Variants in POC5 observed in about 807,000 individuals in gnomAD.
POC5 encodes the protein centrosomal protein POC5.
Under a neutral mutation model 62.9 loss-of-function variants are expected in POC5, and 48 were observed. The ratio of observed to expected loss-of-function variants is 0.76; its 90% confidence interval spans 0.61 to 0.97. POC5 has a LOEUF of 0.97. POC5 is among the 50% of genes least tolerant of loss of function. The pLI is 0.00. For synonymous variants in POC5, 236 were observed against 228.2 expected (o/e 1.03, Z -0.31); for missense variants, 696 against 679.5 (o/e 1.02, Z -0.27).
At chr5:75,676,429 C>G (rs972597740) in intron 11 of POC5, among the ~76,000 whole-genome samples, 26 of 152,196 alleles carry the variant, frequency 1.7e-4, no homozygotes, top group Non-Finnish European at 1.5e-5. Context: ...ATGTCTCTAT[C>G]TGGACTTGGT....
At chr5:75,675,111 T>A (rs1260694432) in intron 11 of POC5, among the ~76,000 whole-genome samples, 1 of 152,196 alleles carries the variant, frequency 6.6e-6, no homozygotes, top group Non-Finnish European at 1.5e-5. Context: ...ACTAAAACTT[T>A]TATGCACATC....
chr5:75,694,662 T>C lies in POC5; in HGVS notation c.683A>G (p.Lys228Arg), dbSNP rs1221901259. ...QKTFEISIGR[K>R]DEVISSLSHA... The stretch of plus-strand genomic sequence containing the variant: ...AAATATAAAAAAGAAGACCTCATCT[T>C]TTCTCCCAATGGAGATTTCAAAGGT... The change falls in exon 6 of 12, where the codon AAA (lysine) becomes AGA (arginine). Residue 228 changes from lysine (K) to arginine (R), a missense_variant. Lys to Arg is a conservative substitution (Grantham distance 26, BLOSUM62 2). Transcript: ENST00000428202. 2.6e-6 allele frequency: 4 copies of C among 1,529,892 alleles called. No individual in the cohort carries two copies. The highest frequency in any genetic ancestry group is 3.5e-6 in the Non-Finnish European group (4 of 1,142,182). The allele number at this position is 1,529,892 out of a possible 1,614,324, so 94.8% of individuals were successfully genotyped here.
chr5:75,682,811 G>A (rs185101369), intron 10 of POC5, among the ~76,000 whole-genome samples: 6 of 152,220 alleles, frequency 3.9e-5, no homozygotes, highest in African/African-American at 4.8e-5. Context: ...CACTGTGCTC[G>A]GCCAATGTCT....
At chr5:75,698,895 A>G (rs992457262) in intron 5 of POC5, among the ~76,000 whole-genome samples, 2 of 152,008 alleles carry the variant, frequency 1.3e-5, no homozygotes, top group Non-Finnish European at 2.9e-5. Flanking sequence ...TATCACCACC[A>G]ATCCCACAGA....
At chr5:75,685,699 C>T (rs1776074816) in intron 9 of POC5, among the ~76,000 whole-genome samples, 1 of 152,196 alleles carries the variant, frequency 6.6e-6, no homozygotes, top group African/African-American at 2.4e-5. Flanking sequence ...CTTCCTTCCA[C>T]ATGTGAAAGC....
intron 2 of POC5, chr5:75,712,294 T>C: frequency 7.1e-7 from 1 of 1,404,226 alleles, no homozygotes; most frequent in South Asian, 1.2e-5. Context: ...TCTAAATCCA[T>C]ATTTTTGATG....
chr5:75,682,704 A>C (rs1276992269), intron 10 of POC5, among the ~76,000 whole-genome samples: 1 of 151,586 alleles, frequency 6.6e-6, no homozygotes, highest in Non-Finnish European at 1.5e-5. Context: ...TTTTGTAGAG[A>C]CAGGGTTTCA....
intron 10 of POC5, among the ~76,000 whole-genome samples, chr5:75,680,088 A>G (rs1775813910): frequency 6.6e-6 from 1 of 152,166 alleles, no homozygotes; most frequent in Non-Finnish European, 1.5e-5. Context: ...GCCTGAGGGA[A>G]ACTTTGTCCT....
chr5:75,700,470 A>C lies in POC5; in HGVS notation c.513+2135T>G, dbSNP rs868529197. On this transcript the variant is annotated intron_variant, in intron 5 of 11. Transcript: ENST00000428202. ...CCTGAGAAAAACAAGCAATGAGGAAAGGATTCCCTATTTAATAAATGGTGC... is the reference window on the plus strand; with the variant it reads ...CCTGAGAAAAACAAGCAATGAGGAACGGATTCCCTATTTAATAAATGGTGC... Among the ~76,000 whole-genome samples, 1,433 of 152,108 alleles carry C rather than the reference A, an allele frequency of 9.4e-3. 27 individuals are homozygous for C. The highest frequency in any genetic ancestry group is 0.033 in the African/African-American group (1,370 of 41,498).
intron 5 of POC5, among the ~76,000 whole-genome samples, chr5:75,701,686 A>G (rs1776890963): frequency 1.3e-5 from 2 of 151,572 alleles, no homozygotes; most frequent in African/African-American, 4.8e-5. Flanking sequence ...TAACCTGCAC[A>G]TTGTGTACAT....
chr5:75,698,354 T>G (rs1184686277), intron 5 of POC5, among the ~76,000 whole-genome samples: 1 of 151,216 alleles, frequency 6.6e-6, no homozygotes, highest in Non-Finnish European at 1.5e-5. Context: ...AGAACAGAAA[T>G]TATAACAAAC....
intron 2 of POC5, chr5:75,712,248 T>C (rs538863617): frequency 1.7e-6 from 2 of 1,181,052 alleles, no homozygotes; most frequent in East Asian, 2.5e-5. Flanking sequence ...AGATATACCA[T>C]GTCATTATTC....
At position 75,689,111 on chromosome 5, in the gene POC5, T is replaced by G. The variant is rs1307643669; in HGVS notation, c.1030A>C (p.Lys344Gln). The change falls in exon 9 of 12, where the codon AAA becomes CAA. Residue 344 changes from lysine to glutamine, a missense_variant. By Grantham distance (53) the Lys-to-Gln change is moderately conservative. Transcript: ENST00000428202. ...TTCATGGAATCTTCAAAGTGCTCTT[T>G]TTCATGTTGCATTCTTTGAATCTCA... ...KAEIQRMQHE[K>Q]EHFEDSMKKA... 3 of 1,590,878 alleles carry G rather than the reference T, an allele frequency of 1.9e-6. No individual in the cohort carries two copies. The highest frequency in any genetic ancestry group is 1.8e-5 in the Admixed American group (1 of 56,808).
At chr5:75,698,727 C>G (rs562085908) in intron 5 of POC5, among the ~76,000 whole-genome samples, 173 of 151,836 alleles carry the variant, frequency 1.1e-3, no homozygotes, top group African/African-American at 3.9e-3. Context: ...CAGAGCAGAA[C>G]TGAAGGAAAT....
chr5:75,688,950 C>T (rs1220770364), intron 9 of POC5, 62 bp downstream of exon 9: 16 of 1,434,740 alleles, frequency 1.1e-5, no homozygotes, highest in Non-Finnish European at 2.8e-6. Context: ...CCATACCAAT[C>T]ACCAAAATCT....
rs1395840007 is a variant in POC5, at chr5:75,674,286, T to C, written c.*149A>G. ...TTCTACATATAGTTACAAAGCATGGTAGAGCTTGAAAAAGCCTCTTGTAAT... is the reference window on the plus strand; with the variant it reads ...TTCTACATATAGTTACAAAGCATGGCAGAGCTTGAAAAAGCCTCTTGTAAT... On this transcript the variant is annotated 3_prime_UTR_variant, in exon 12 of 12. Transcript: ENST00000428202. 2.2e-5 allele frequency: 15 copies of C among 675,374 alleles called. No individual in the cohort carries two copies. The highest frequency in any genetic ancestry group is 3.3e-4 in the Middle Eastern group (1 of 3,000). The allele number at this position is 675,374 out of a possible 1,614,324, so 41.8% of individuals were successfully genotyped here. A position where few individuals can be genotyped will look rare whatever the true frequency, so the allele number is the denominator to read the frequency against.
chr5:75,680,928 A>G (rs763388961), intron 10 of POC5, among the ~76,000 whole-genome samples: 2 of 152,174 alleles, frequency 1.3e-5, no homozygotes, highest in African/African-American at 4.8e-5. Context: ...TGCATTAGGT[A>G]TGTATCATTC....
intron 5 of POC5, among the ~76,000 whole-genome samples, chr5:75,699,208 A>T (rs1776752611): frequency 6.6e-6 from 1 of 152,274 alleles, no homozygotes; most frequent in Admixed American, 6.5e-5. Flanking sequence ...ATCCTCCCTA[A>T]CTCATTTTAT....
chr5:75,677,893 G>A lies in POC5; in HGVS notation c.1465C>T (p.Arg489Trp), dbSNP rs761987325. 6.8e-6 allele frequency: 11 copies of A among 1,610,508 alleles called. No individual in the cohort carries two copies. The highest frequency in any genetic ancestry group is 1.3e-5 in the African/African-American group (1 of 74,612). The change falls in exon 11 of 12, where the codon CGG (arginine) becomes TGG (tryptophan). Residue 489 changes from arginine (R) to tryptophan (W), a missense_variant. By Grantham distance (101) the Arg-to-Trp change is moderately radical (BLOSUM62 -3). Coordinates refer to ENST00000428202, the MANE Select transcript of POC5 (RefSeq NM_001099271.2). ...QQKAGRTITA[R>W]ITGRCDFASK... ...GCAAAATCACATCTTCCTGTGATCCGGGCTGTAATAGTTCTTCCTGCTTTC... is the reference window on the plus strand; with the variant it reads ...GCAAAATCACATCTTCCTGTGATCCAGGCTGTAATAGTTCTTCCTGCTTTC...
Sources: gnomAD v4.1 joint callset for allele counts (sites outside exome capture counted in the v4.1 genomes callset) on GRCh38, gnomAD v4.1.1 for gene constraint, MANE v1.5 for transcripts, NCBI Gene and HGNC (gene_info 2026-07-23, HGNC 2026-07-21) for gene names.